The following ILRUN variants were observed in gnomAD, a reference collection of about 807,000 sequenced individuals.
ILRUN encodes the protein protein ILRUN.
A neutral mutation model predicts 33.8 loss-of-function variants in ILRUN; 3 were observed. The ratio of observed to expected loss-of-function variants is 0.09; its 90% CI spans 0.04 to 0.23. The LOEUF is 0.23. Ranked by LOEUF, ILRUN falls within the 10% of genes least tolerant of loss-of-function variation. The pLI is 1.00. For synonymous variants in ILRUN, 124 were observed against 138.9 expected (o/e 0.89, Z 0.75); for missense variants, 210 against 375.1 (o/e 0.56, Z 3.64).
chr6:34,629,091 A>G (rs781773192), intron 3 of ILRUN, among the ~76,000 whole-genome samples: 7 of 152,234 alleles, frequency 4.6e-5, no homozygotes, highest in Non-Finnish European at 1.0e-4. Context: ...GCAACAGAGC[A>G]AGACTCTGTT....
chr6:34,655,546 G>A (rs746342961), intron 1 of ILRUN, among the ~76,000 whole-genome samples: 31 of 152,038 alleles, frequency 2.0e-4, no homozygotes, highest in Non-Finnish European at 4.3e-4. Context: ...TACATAAAGA[G>A]CATCCTCATT....
intron 3 of ILRUN, among the ~76,000 whole-genome samples, chr6:34,626,835 T>C (rs1206109580): frequency 1.3e-5 from 2 of 151,958 alleles, no homozygotes; most frequent in Admixed American, 6.6e-5. Flanking sequence ...TGAAACCCCA[T>C]CTCTACTAAA....
intron 2 of ILRUN, among the ~76,000 whole-genome samples, chr6:34,649,099 T>A (rs1017022993): frequency 5.9e-5 from 9 of 152,224 alleles, no homozygotes; most frequent in South Asian, 2.1e-4. Context: ...TACTTCTCAG[T>A]GGAGTATTTA....
At chr6:34,661,999 C>T (rs982437072) in intron 1 of ILRUN, among the ~76,000 whole-genome samples, 12 of 151,880 alleles carry the variant, frequency 7.9e-5, no homozygotes, top group African/African-American at 2.9e-4. Flanking sequence ...GTGGCGGGCG[C>T]CTGTAGTCCC....
At position 34,588,022 on chromosome 6, in the gene ILRUN, A is replaced by G; in HGVS notation, c.*2543T>C. On this transcript the variant is annotated 3_prime_UTR_variant, in exon 5 of 5. Transcript: ENST00000374023. Reference sequence around the variant, plus strand: ...GCTGAGAGGTAGCCACTACCACCCCACTAGGCAGGGGAGCAGAGAGGGGCC... The same window carrying G: ...GCTGAGAGGTAGCCACTACCACCCCGCTAGGCAGGGGAGCAGAGAGGGGCC... The G allele has an allele frequency of 2.5e-6, 1 of 398,714 alleles. No individual in the cohort carries two copies. The allele number at this position is 398,714 out of a possible 1,614,324, so 24.7% of individuals were successfully genotyped here.
chr6:34,619,173 G>A (rs146789758), intron 3 of ILRUN, among the ~76,000 whole-genome samples: 68 of 152,240 alleles, frequency 4.5e-4, no homozygotes, highest in African/African-American at 1.6e-3. Flanking sequence ...AAGAAGTTTT[G>A]CTACAATGGA....
intron 1 of ILRUN, among the ~76,000 whole-genome samples, chr6:34,677,319 G>C (rs1763257339): frequency 6.6e-6 from 1 of 151,800 alleles, no homozygotes. Flanking sequence ...AGGAAAAAAA[G>C]AGAGAGAGAG....
intron 1 of ILRUN, among the ~76,000 whole-genome samples, chr6:34,683,493 T>TATAC (rs1763443609): frequency 2.2e-5 from 2 of 92,950 alleles, no homozygotes; most frequent in African/African-American, 1.3e-4. Flanking sequence ...TATACATATA[T>TATAC]ATATACATAT....
chr6:34,677,947 C>CAAAAAA (rs200840957), intron 1 of ILRUN, among the ~76,000 whole-genome samples: 1 of 74,366 alleles, frequency 1.3e-5, no homozygotes, highest in African/African-American at 5.1e-5. Context: ...ATCCTGCCTC[C>CAAAAAA]AAAAAAAAAA....
At chr6:34,677,903 C>T (rs1197654036) in intron 1 of ILRUN, among the ~76,000 whole-genome samples, 1 of 140,708 alleles carries the variant, frequency 7.1e-6, no homozygotes, top group Admixed American at 7.4e-5. Context: ...GAGCTGTGAT[C>T]ACACCACTGC....
At chr6:34,665,815 T>C (rs908714091) in intron 1 of ILRUN, among the ~76,000 whole-genome samples, 98 of 152,202 alleles carry the variant, frequency 6.4e-4, no homozygotes, top group African/African-American at 2.3e-3. Flanking sequence ...CAGTGAAAAA[T>C]GCATAGGCTT....
intron 1 of ILRUN, among the ~76,000 whole-genome samples, chr6:34,684,104 T>C (rs1341294390): frequency 2.0e-5 from 3 of 151,640 alleles, no homozygotes; most frequent in East Asian, 1.9e-4. Flanking sequence ...AACCAGGACA[T>C]TTCCTATAAA....
intron 1 of ILRUN, among the ~76,000 whole-genome samples, chr6:34,661,173 GA>G (rs1018353694): frequency 6.6e-5 from 10 of 152,144 alleles, no homozygotes; most frequent in Non-Finnish European, 1.5e-4. Context: ...CCACAAAAAA[GA>G]AAGGAAGTGG....
chr6:34,654,298 A>T (rs1225844175), intron 2 of ILRUN, among the ~76,000 whole-genome samples: 1 of 152,222 alleles, frequency 6.6e-6, no homozygotes, highest in Non-Finnish European at 1.5e-5. Context: ...AAATAAAGTG[A>T]TGAAGTAAAA....
chr6:34,643,230 T>G lies in ILRUN; in HGVS notation c.511+3371A>C, dbSNP rs527434967. 1.1e-4 allele frequency among the ~76,000 whole-genome samples: 16 copies of G among 149,734 alleles called. No homozygotes were observed. The South Asian group carries it at 3.4e-3, about 32-fold the overall frequency. Reference sequence around the variant, plus strand: ...AGGACAATCACTTGAACCCAGGAGGTGGAGGTTGCAGTGAGCCAAGATCAT... The same window carrying G: ...AGGACAATCACTTGAACCCAGGAGGGGGAGGTTGCAGTGAGCCAAGATCAT... On this transcript the variant is annotated intron_variant, in intron 3 of 4. Coordinates refer to ENST00000374023, the MANE Select transcript of ILRUN (RefSeq NM_024294.4).
In ILRUN at chr6:34,587,511, A is replaced by G. The variant is rs1468544368; in HGVS notation, c.*3054T>C. 1 of 152,636 alleles carries G rather than the reference A, an allele frequency of 6.6e-6. No individual in the cohort carries two copies. The highest frequency in any genetic ancestry group is 1.5e-5 in the Non-Finnish European group (1 of 68,078). The allele number at this position is 152,636 out of a possible 1,614,324, so 9.5% of individuals were successfully genotyped here. Reference sequence around the variant, plus strand: ...TGCGGCGAGGCAGGGTGGGGTGAGTAATCAGCTTGCACTTCTGAGCCCTGG... The same window carrying G: ...TGCGGCGAGGCAGGGTGGGGTGAGTGATCAGCTTGCACTTCTGAGCCCTGG... On this transcript the variant is annotated 3_prime_UTR_variant, in exon 5 of 5. Coordinates refer to ENST00000374023, the MANE Select transcript of ILRUN (RefSeq NM_024294.4).
chr6:34,608,618 T>G (rs914660053), intron 3 of ILRUN, among the ~76,000 whole-genome samples: 1 of 152,178 alleles, frequency 6.6e-6, no homozygotes, highest in African/African-American at 2.4e-5. Context: ...TACAATGTTA[T>G]GGAAGCTACA....
chr6:34,595,240 T>A (rs757863666), intron 4 of ILRUN, among the ~76,000 whole-genome samples: 1 of 152,220 alleles, frequency 6.6e-6, no homozygotes, highest in African/African-American at 2.4e-5. Context: ...TTATCACTTA[T>A]CTTATGTGAG....
intron 1 of ILRUN, among the ~76,000 whole-genome samples, chr6:34,664,702 T>C (rs899940817): frequency 5.8e-4 from 89 of 152,154 alleles, no homozygotes; most frequent in African/African-American, 2.1e-3. Flanking sequence ...AAATATATGA[T>C]ACCCAAAAAG....
Sources: allele counts gnomAD v4.1 joint callset (sites outside exome capture counted in the v4.1 genomes callset), GRCh38; gene constraint gnomAD v4.1.1; transcripts MANE v1.5; gene names NCBI Gene and HGNC (gene_info 2026-07-23, HGNC 2026-07-21).